SPON1: variants seen among roughly 807,000 people sequenced by gnomAD.
The protein encoded by SPON1 is spondin-1.
SPON1 carries 52 observed loss-of-function variants against 111.7 expected under a neutral mutation model. The observed-to-expected ratio is 0.47, with a 90% CI of 0.37 to 0.59. The LOEUF is 0.59. Among genes scored for constraint, SPON1 ranks in the 20% least tolerant of loss-of-function variants. The probability of loss-of-function intolerance (pLI) is 0.00; values close to 1 mark genes in which losing one functional copy is unlikely to be tolerated. For synonymous variants in SPON1, 410 were observed against 395.8 expected (o/e 1.04, Z -0.43); for missense variants, 957 against 1,068.5 (o/e 0.90, Z 1.46).
In SPON1 at chr11:13,962,774, T is replaced by G; in HGVS notation, c.-131T>G. Reference sequence around the variant, plus strand: ...AGCCGAGGCGGGCACGGTCTCCGAGTCGCGGACGCCAGCTCCGAGCTCCCT... The same window carrying G: ...AGCCGAGGCGGGCACGGTCTCCGAGGCGCGGACGCCAGCTCCGAGCTCCCT... On this transcript the variant is annotated 5_prime_UTR_variant, in exon 1 of 16. Coordinates refer to ENST00000576479, the MANE Select transcript of SPON1 (RefSeq NM_006108.4). 1 of 818,304 alleles carries G rather than the reference T, an allele frequency of 1.2e-6. No individual in the cohort carries two copies. The highest frequency in any genetic ancestry group is 2.1e-5 in the South Asian group (1 of 46,668). The allele number at this position is 818,304 out of a possible 1,614,324, so 50.7% of individuals were successfully genotyped here.
chr11:14,090,593 G>A (rs1554923173), intron 5 of SPON1, among the ~76,000 whole-genome samples: 1 of 151,976 alleles, frequency 6.6e-6, no homozygotes, highest in Non-Finnish European at 1.5e-5. Context: ...TCTTAAGGCG[G>A]CGGGTCTGGA....
intron 2 of SPON1, among the ~76,000 whole-genome samples, chr11:14,014,636 A>G (rs1385393549): frequency 6.6e-6 from 1 of 152,166 alleles, no homozygotes; most frequent in African/African-American, 2.4e-5. Flanking sequence ...ATAGAATCCT[A>G]CTGTCGGGCA....
chr11:14,024,476 A>G (rs1260043334), intron 2 of SPON1, among the ~76,000 whole-genome samples: 1 of 152,036 alleles, frequency 6.6e-6, no homozygotes, highest in African/African-American at 2.4e-5. Flanking sequence ...CCCTGGAGTC[A>G]GGCTACCCAG....
chr11:13,975,985 C>A (rs74743241), intron 1 of SPON1, among the ~76,000 whole-genome samples: 1 of 152,330 alleles, frequency 6.6e-6, no homozygotes, highest in Middle Eastern at 3.4e-3. Context: ...TTATCATCAT[C>A]ATCCCTTAAA....
rs113262547 is a variant in SPON1 at position 14,212,859 on chromosome 11, T to C, written c.826-30473T>C. Among the ~76,000 whole-genome samples the C allele has an allele frequency of 5.3e-3, 803 of 152,332 alleles. 6 individuals carry two copies. Among genetic ancestry groups the C allele is most frequent in the African/African-American group, 0.018 (757 of 41,566 alleles). On this transcript the variant is annotated intron_variant, in intron 6 of 15. Coordinates refer to ENST00000576479, the MANE Select transcript of SPON1 (RefSeq NM_006108.4). ...AAGAGTACCAACTCTGATAATCGAA[T>C]GTCTGAGCATCATTTGTGGGTGGAT...
At chr11:14,031,079 T>G (rs1243643505) in intron 2 of SPON1, among the ~76,000 whole-genome samples, 1 of 152,192 alleles carries the variant, frequency 6.6e-6, no homozygotes, top group Non-Finnish European at 1.5e-5. Flanking sequence ...GAGGCCATCA[T>G]CCGAAGCAAA....
intron 3 of SPON1, among the ~76,000 whole-genome samples, chr11:14,063,887 A>C (rs1554920129): frequency 6.6e-6 from 1 of 152,232 alleles, no homozygotes. Context: ...GTCAAAACAC[A>C]GAAGGCATAA....
At chr11:14,146,666 A>G (rs1479101643) in intron 6 of SPON1, among the ~76,000 whole-genome samples, 1 of 152,224 alleles carries the variant, frequency 6.6e-6, no homozygotes. Context: ...TTGAAAAAGC[A>G]TATAATGAAG....
intron 5 of SPON1, among the ~76,000 whole-genome samples, chr11:14,090,225 C>T (rs1849039209): frequency 1.4e-5 from 2 of 148,088 alleles, no homozygotes; most frequent in Non-Finnish European, 3.0e-5. Context: ...AAAAAAACTG[C>T]AGCCAGCTTG....
chr11:14,063,441 C>T (rs1365336803), intron 3 of SPON1, among the ~76,000 whole-genome samples: 3 of 152,142 alleles, frequency 2.0e-5, no homozygotes, highest in Middle Eastern at 3.2e-3. Flanking sequence ...CCTTCTCCCA[C>T]TCTTCCTTTC....
At chr11:14,256,925 T>C (rs1333289385) in intron 10 of SPON1, among the ~76,000 whole-genome samples, 1 of 152,158 alleles carries the variant, frequency 6.6e-6, no homozygotes, top group Non-Finnish European at 1.5e-5. Flanking sequence ...ATCAGGCCTT[T>C]AAAACAATCA....
chr11:14,094,908 C>T (rs1849086685), intron 5 of SPON1, among the ~76,000 whole-genome samples: 1 of 152,174 alleles, frequency 6.6e-6, no homozygotes, highest in Non-Finnish European at 1.5e-5. Flanking sequence ...GCTTGGACTG[C>T]AGCGGTGAAA....
intron 5 of SPON1, among the ~76,000 whole-genome samples, chr11:14,110,148 C>A (rs141408041): frequency 5.3e-5 from 8 of 152,302 alleles, no homozygotes; most frequent in Non-Finnish European, 1.0e-4. Context: ...AGCCTTCTAA[C>A]ACCTGACATC....
intron 1 of SPON1, among the ~76,000 whole-genome samples, chr11:13,981,154 C>T (rs1848140956): frequency 6.6e-6 from 1 of 152,166 alleles, no homozygotes. Flanking sequence ...AAACCCAGCC[C>T]CTCTCCTGTA....
chr11:14,112,571 G>A (rs1554925564), intron 5 of SPON1, among the ~76,000 whole-genome samples: 1 of 152,252 alleles, frequency 6.6e-6, no homozygotes, highest in African/African-American at 2.4e-5. Flanking sequence ...AAAGCGCTCA[G>A]AAGAGCGCCT....
chr11:14,222,147 C>CA (rs1848687287), intron 6 of SPON1, among the ~76,000 whole-genome samples: 1 of 152,152 alleles, frequency 6.6e-6, no homozygotes, highest in African/African-American at 2.4e-5. Flanking sequence ...TGTGTAAGTA[C>CA]AAAAAAAATT....
At chr11:14,146,719 A>T (rs1554929382) in intron 6 of SPON1, among the ~76,000 whole-genome samples, 1 of 152,214 alleles carries the variant, frequency 6.6e-6, no homozygotes, top group African/African-American at 2.4e-5. Flanking sequence ...ATAAAACAAC[A>T]TTAACTAAAA....
chr11:14,000,834 T>G (rs1554912364), intron 2 of SPON1, among the ~76,000 whole-genome samples: 1 of 152,174 alleles, frequency 6.6e-6, no homozygotes, highest in Non-Finnish European at 1.5e-5. Flanking sequence ...TTTACCATTT[T>G]AGTGACAACA....
chr11:14,254,678 G>A lies in SPON1; in HGVS notation c.1041G>A (p.Val347=), dbSNP rs1554940987. ...TKECGWVQKV[V]QDLIPWDAGT... is the part of the protein sequence containing the mutation. Reference sequence around the variant, plus strand: ...AATGTGGCTGGGTCCAGAAGGTGGTGCAAGACCTGATTCCCTGGGACGCTG... The same window carrying A: ...AATGTGGCTGGGTCCAGAAGGTGGTACAAGACCTGATTCCCTGGGACGCTG... Residue 347 remains valine (V), a synonymous_variant, in exon 8 of 16, where the codon GTG becomes GTA. Transcript: ENST00000576479. 4 of 1,614,036 alleles carry A rather than the reference G, an allele frequency of 2.5e-6. No individual in the cohort carries two copies. The highest frequency in any genetic ancestry group is 3.3e-5 in the Admixed American group (2 of 60,028).
Sources: allele counts gnomAD v4.1 joint callset (sites outside exome capture counted in the v4.1 genomes callset), GRCh38; gene constraint gnomAD v4.1.1; transcripts MANE v1.5; gene names NCBI Gene and HGNC (gene_info 2026-07-23, HGNC 2026-07-21).